PCBP3: variants seen among roughly 807,000 people sequenced by gnomAD.
The protein encoded by PCBP3 is poly(rC)-binding protein 3.
PCBP3 carries 25 observed loss-of-function variants against 52.7 expected under a neutral mutation model. The ratio of observed to expected loss-of-function variants is 0.47; its 90% CI spans 0.35 to 0.66. The LOEUF (loss-of-function observed/expected upper bound fraction) is 0.66, where lower values mean the gene tolerates loss of function less well. PCBP3 is among the 30% of genes least tolerant of loss of function. PCBP3 has a pLI of 0.01. For missense variants in PCBP3, 391 were observed against 490.3 expected, an observed-to-expected ratio of 0.80 and a Z score of 1.91; for synonymous variants, 162 against 183.0, an observed-to-expected ratio of 0.89 and a Z score of 0.93.
chr21:45,697,489 A>G (rs986960876), intron 2 of PCBP3, among the ~76,000 whole-genome samples: 7 of 152,230 alleles, frequency 4.6e-5, no homozygotes, highest in Non-Finnish European at 1.0e-4. Flanking sequence ...TCATACCTGC[A>G]GTTCCAGCAC....
Position 45,701,378 on chromosome 21 carries a change from TG to T in PCBP3, c.-200+32429del, listed in dbSNP as rs552857559. On this transcript the variant is annotated intron_variant, in intron 2 of 17. Coordinates refer to ENST00000681687, the MANE Select transcript of PCBP3 (RefSeq NM_001384156.1). ...ACAGTATCCTATGACACTAGGCCAG[TG>T]GGCTCTCAAACTTTTGGAATTCAGG... Among the ~76,000 whole-genome samples the T allele has an allele frequency of 1.7e-3, 260 of 152,310 alleles. 1 individual carries two copies. The highest frequency in any genetic ancestry group is 6.0e-3 in the African/African-American group (249 of 41,570).
At chr21:45,877,541 C>G (rs541300402) in intron 5 of PCBP3, among the ~76,000 whole-genome samples, 1 of 152,220 alleles carries the variant, frequency 6.6e-6, no homozygotes. Flanking sequence ...CAATGGCTCA[C>G]GCCTGTAATC....
At chr21:45,684,963 A>G (rs993846212) in intron 2 of PCBP3, among the ~76,000 whole-genome samples, 1 of 151,924 alleles carries the variant, frequency 6.6e-6, no homozygotes, top group Non-Finnish European at 1.5e-5. Flanking sequence ...TCTTCCCCAC[A>G]CCCTGCCCCC....
chr21:45,729,207 G>A lies in PCBP3; in HGVS notation c.-199-6185G>A, dbSNP rs142122643. 5.7e-4 allele frequency among the ~76,000 whole-genome samples: 86 copies of A among 152,180 alleles called. 1 individual carries two copies. The East Asian group carries it at 0.014, about 26-fold the overall frequency. On this transcript the variant is annotated intron_variant, in intron 2 of 17. Transcript: ENST00000681687. ...CGTCTGGGTTCTTTCACTTAGCCCC[G>A]CTTGGAGGTTCATCTGTAACACGTG... is the stretch of plus-strand genomic sequence containing the variant.
At chr21:45,759,350 G>T (rs1327897701) in intron 4 of PCBP3, among the ~76,000 whole-genome samples, 1 of 152,112 alleles carries the variant, frequency 6.6e-6, no homozygotes, top group Admixed American at 6.5e-5. Context: ...TTCTTTAATT[G>T]TTATAAGATT....
At chr21:45,905,324 C>T (rs115687208) in intron 9 of PCBP3, among the ~76,000 whole-genome samples, 2,209 of 152,314 alleles carry the variant, frequency 0.015, 45 homozygotes, top group African/African-American at 0.05. Flanking sequence ...GAACTCAGCA[C>T]CCGGCCCACG....
chr21:45,855,863 AC>A (rs2094271551), intron 5 of PCBP3, among the ~76,000 whole-genome samples: 4 of 152,220 alleles, frequency 2.6e-5, no homozygotes. Flanking sequence ...CTAAACTCTG[AC>A]CTTTTTCCTC....
intron 11 of PCBP3, among the ~76,000 whole-genome samples, chr21:45,912,267 A>G (rs7410105): frequency 0.82 from 124,908 of 152,252 alleles, 51,949 homozygotes; most frequent in East Asian, 1. Flanking sequence ...AGACATGGCC[A>G]GTGAAGATGG....
chr21:45,684,055 CAAAAAAAAAAA>C lies in PCBP3; in HGVS notation c.-200+15117_-200+15127del, dbSNP rs71334088. Among the ~76,000 whole-genome samples, 25 of 78,446 alleles carry C rather than the reference CAAAAAAAAAAA, an allele frequency of 3.2e-4. No homozygotes were observed. In the East Asian group the frequency reaches 7.9e-3, roughly 25 times the overall value. 51.5% of individuals were successfully genotyped at this position (78,446 alleles called of 152,430 possible). ...CTGGTCAACATAGAACCCATCTCTA[CAAAAAAAAAAA>C]AAAAAAAAAAAAATTGCCGGGTGTG... On this transcript the variant is annotated intron_variant, in intron 2 of 17. Transcript: ENST00000681687.
chr21:45,677,985 G>C (rs116410283), intron 2 of PCBP3, among the ~76,000 whole-genome samples: 2,400 of 152,228 alleles, frequency 0.016, 50 homozygotes, highest in South Asian at 0.052. Context: ...CATTAACACC[G>C]CATCCATTCT....
In PCBP3 at chr21:45,928,145, C is replaced by T. The variant is rs1165534604; in HGVS notation, c.718-1772C>T. ...GATGCGCCTGCTTCCTCCTCCTGCC[C>T]CCGCAGGGCCTCGTGTATCTCCGGG... is the stretch of plus-strand genomic sequence containing the variant. On this transcript the variant is annotated intron_variant, in intron 13 of 17. Transcript: ENST00000681687. This position sits in a 1 kb window ranked among gnomAD's most constrained non-coding sequence, Gnocchi z 4.1. Among the ~76,000 whole-genome samples, 2 of 152,250 alleles carry T rather than the reference C, an allele frequency of 1.3e-5. No homozygotes were observed. The highest frequency in any genetic ancestry group is 1.5e-5 in the Non-Finnish European group (1 of 68,038).
intron 4 of PCBP3, among the ~76,000 whole-genome samples, chr21:45,757,863 A>G (rs2088212157): frequency 6.6e-6 from 1 of 150,816 alleles, no homozygotes; most frequent in Admixed American, 6.6e-5. Flanking sequence ...TGGATTCTCA[A>G]TTCTAACCCA....
At chr21:45,825,222 G>A (rs1420932956) in intron 4 of PCBP3, among the ~76,000 whole-genome samples, 1 of 152,214 alleles carries the variant, frequency 6.6e-6, no homozygotes, top group Non-Finnish European at 1.5e-5. Context: ...GAGTGACTCC[G>A]AAGTAAAAGC....
intron 4 of PCBP3, among the ~76,000 whole-genome samples, chr21:45,843,127 C>T (rs982411926): frequency 6.8e-6 from 1 of 147,900 alleles, no homozygotes; most frequent in Non-Finnish European, 1.5e-5. Context: ...AGGGCCCAGC[C>T]AGTCCCCCTT....
intron 4 of PCBP3, among the ~76,000 whole-genome samples, chr21:45,795,647 A>G (rs1162749726): frequency 1.3e-5 from 2 of 152,234 alleles, no homozygotes; most frequent in Non-Finnish European, 2.9e-5. Flanking sequence ...AAACATTTAC[A>G]ATGAATGAAC....
At chr21:45,933,731 C>G (rs2076569186) in intron 15 of PCBP3, among the ~76,000 whole-genome samples, 1 of 152,260 alleles carries the variant, frequency 6.6e-6, no homozygotes, top group Non-Finnish European at 1.5e-5. Flanking sequence ...CTGATCCCCT[C>G]CTGTGCTGGA....
At chr21:45,698,199 C>T (rs1449586031) in intron 2 of PCBP3, among the ~76,000 whole-genome samples, 3 of 152,228 alleles carry the variant, frequency 2.0e-5, no homozygotes, top group Middle Eastern at 3.2e-3. Flanking sequence ...CAAGATTAGG[C>T]TGAGGTACCA....
intron 4 of PCBP3, among the ~76,000 whole-genome samples, chr21:45,778,245 G>A (rs993712822): frequency 2.0e-5 from 3 of 152,188 alleles, no homozygotes; most frequent in Non-Finnish European, 2.9e-5. Flanking sequence ...TAGTGGAGCT[G>A]TGCTGAAGTT....
chr21:45,763,630 G>T (rs1200635765), intron 4 of PCBP3: 1 of 152,308 alleles, frequency 6.6e-6, no homozygotes, highest in East Asian at 1.9e-4. Context: ...TCGAGCATCA[G>T]GATCGTCTGC....
Sources: allele counts gnomAD v4.1 joint callset (sites outside exome capture counted in the v4.1 genomes callset), GRCh38; gene constraint gnomAD v4.1.1; non-coding constraint Gnocchi (gnomAD v3.1); transcripts MANE v1.5; gene names NCBI Gene and HGNC (gene_info 2026-07-23, HGNC 2026-07-21).